The following CNOT2 variants were observed in gnomAD, a reference collection of about 807,000 sequenced individuals.
CNOT2 encodes CCR4-NOT transcription complex subunit 2, also known as CC chemokine receptor 4-negative regulator of transcription 2.
Under a neutral mutation model 72.1 loss-of-function variants are expected in CNOT2, and 7 were observed. That is an observed-to-expected ratio of 0.10 (90% CI 0.06 to 0.18). The LOEUF (loss-of-function observed/expected upper bound fraction) is 0.18. Among genes scored for constraint, CNOT2 ranks in the 10% least tolerant of loss-of-function variants. The pLI is 1.00. For missense variants in CNOT2, 345 were observed against 660.3 expected (o/e 0.52, Z 5.23); for synonymous variants, 196 against 225.6 (o/e 0.87, Z 1.17).
At chr12:70,346,884 C>T (rs747319593) in intron 15 of CNOT2, among the ~76,000 whole-genome samples, 1 of 151,184 alleles carries the variant, frequency 6.6e-6, no homozygotes, top group Non-Finnish European at 1.5e-5. Context: ...CTCACTTAAA[C>T]GCCTTTCTAA....
chr12:70,279,705 A>G lies in CNOT2; in HGVS notation c.48+1431A>G, dbSNP rs182465248. On this transcript the variant is annotated intron_variant, in intron 2 of 15. Transcript: ENST00000229195. ...ATGGCTTTTCAGTGCTCATAATCCA[A>G]TTTGTAAAGTGTGAATGTAGAATTT... Among the ~76,000 whole-genome samples the G allele has an allele frequency of 1.5e-3, 221 of 152,324 alleles. 1 individual carries two copies. The highest frequency in any genetic ancestry group is 5.1e-3 in the African/African-American group (210 of 41,578).
intron 2 of CNOT2, among the ~76,000 whole-genome samples, chr12:70,288,349 A>G (rs1871281256): frequency 6.6e-6 from 1 of 151,684 alleles, no homozygotes; most frequent in Non-Finnish European, 1.5e-5. Flanking sequence ...GTTTCACCAC[A>G]TTGGCCAGGC....
Position 70,354,012 on chromosome 12 carries a change from C to G in CNOT2, c.*97C>G. On this transcript the variant is annotated 3_prime_UTR_variant, in exon 16 of 16. Coordinates refer to ENST00000229195, the MANE Select transcript of CNOT2 (RefSeq NM_014515.7). ...AACTGCAGAACTGATGTGGCTCAGG[C>G]ACCCTGGTTTTAATTCCTTGAGGAT... 6.8e-7 allele frequency: 1 copy of G among 1,478,812 alleles called. No homozygotes were observed. The highest frequency in any genetic ancestry group is 9.0e-7 in the Non-Finnish European group (1 of 1,116,962). 91.6% of individuals were successfully genotyped at this position (1,478,812 alleles called of 1,614,324 possible). A position where few individuals can be genotyped will look rare whatever the true frequency, so the allele number is the denominator to read the frequency against.
chr12:70,262,312 C>T (rs1297834706), intron 1 of CNOT2, among the ~76,000 whole-genome samples: 10 of 152,116 alleles, frequency 6.6e-5, no homozygotes, highest in South Asian at 2.1e-4. Context: ...CTCGCTCTGT[C>T]GCCCAGGCTG....
At chr12:70,352,566 G>A (rs1051612616) in intron 15 of CNOT2, among the ~76,000 whole-genome samples, 2 of 152,074 alleles carry the variant, frequency 1.3e-5, no homozygotes, top group Non-Finnish European at 2.9e-5. Flanking sequence ...AGACAGATAA[G>A]GTAAAATATG....
intron 1 of CNOT2, among the ~76,000 whole-genome samples, chr12:70,264,701 C>T (rs1194648139): frequency 6.6e-6 from 1 of 152,028 alleles, no homozygotes; most frequent in African/African-American, 2.4e-5. Flanking sequence ...GGAAACTAGG[C>T]AGGGAGAGAG....
At chr12:70,311,041 T>A in intron 3 of CNOT2, 24 bp downstream of exon 3, 3 of 1,557,934 alleles carry the variant, frequency 1.9e-6, no homozygotes, top group Non-Finnish European at 2.6e-6. Flanking sequence ...TTATGTTGTA[T>A]TTTTTCAGCA....
At chr12:70,286,070 G>T (rs1371835504) in intron 2 of CNOT2, among the ~76,000 whole-genome samples, 1 of 151,702 alleles carries the variant, frequency 6.6e-6, no homozygotes, top group East Asian at 1.9e-4. Flanking sequence ...AAATGGGAGA[G>T]GGGAGCAGAA....
chr12:70,344,366 AT>A (rs1325296361), intron 14 of CNOT2, 138 bp downstream of exon 14: 1 of 593,166 alleles, frequency 1.7e-6, no homozygotes, highest in East Asian at 2.9e-5. Flanking sequence ...ATTAAAGTGA[AT>A]TTAATTTAGA....
At chr12:70,319,225 C>A in intron 3 of CNOT2, 73 bp from the exon 4 acceptor site, 1 of 1,212,940 alleles carries the variant, frequency 8.2e-7, no homozygotes, top group South Asian at 1.5e-5. Context: ...GTATGATTTA[C>A]AGATTTGTGG....
chr12:70,348,635 A>C (rs1234908705), intron 15 of CNOT2, among the ~76,000 whole-genome samples: 2 of 152,152 alleles, frequency 1.3e-5, no homozygotes, highest in Non-Finnish European at 2.9e-5. Flanking sequence ...CAGCTACATA[A>C]TTTTAGTTAA....
intron 7 of CNOT2, among the ~76,000 whole-genome samples, chr12:70,333,651 A>AC (rs1242290971): frequency 6.6e-6 from 1 of 151,966 alleles, no homozygotes; most frequent in African/African-American, 2.4e-5. Flanking sequence ...AGAAGATTTA[A>AC]TAAGGAAATG....
chr12:70,297,007 A>C (rs1872925156), intron 2 of CNOT2, among the ~76,000 whole-genome samples: 1 of 152,196 alleles, frequency 6.6e-6, no homozygotes, highest in Non-Finnish European at 1.5e-5. Context: ...GGGCAATTAT[A>C]AAAACGCTAG....
intron 1 of CNOT2, among the ~76,000 whole-genome samples, chr12:70,248,178 C>G (rs1479792849): frequency 6.6e-6 from 1 of 152,132 alleles, no homozygotes; most frequent in Non-Finnish European, 1.5e-5. Flanking sequence ...TACCCATGAG[C>G]TCATATTAGA....
chr12:70,327,949 C>T (rs1879345992), intron 4 of CNOT2, among the ~76,000 whole-genome samples: 1 of 151,746 alleles, frequency 6.6e-6, no homozygotes, highest in Non-Finnish European at 1.5e-5. Flanking sequence ...CCTTATTCTT[C>T]CTTATTTTGT....
At chr12:70,289,081 C>G (rs1353622859) in intron 2 of CNOT2, among the ~76,000 whole-genome samples, 1 of 149,812 alleles carries the variant, frequency 6.7e-6, no homozygotes, top group Non-Finnish European at 1.5e-5. Context: ...TTTCTTTCTT[C>G]CCTTCTTTCT....
intron 1 of CNOT2, among the ~76,000 whole-genome samples, chr12:70,275,259 A>G (rs1289865655): frequency 1.3e-5 from 2 of 151,608 alleles, no homozygotes; most frequent in African/African-American, 4.8e-5. Context: ...TACTCTATGT[A>G]TTTTTTTCCC....
chr12:70,274,469 A>G (rs1045754652), intron 1 of CNOT2, among the ~76,000 whole-genome samples: 11 of 152,068 alleles, frequency 7.2e-5, no homozygotes, highest in African/African-American at 2.2e-4. Flanking sequence ...CAGCTGTCTT[A>G]ACCTAACCAA....
chr12:70,243,741 G>C (rs983105879), intron 1 of CNOT2: 1 of 152,066 alleles, frequency 6.6e-6, no homozygotes, highest in Non-Finnish European at 1.5e-5. Context: ...TGGACCGGAC[G>C]TAAAGCGTCG....
Sources: gnomAD v4.1 joint callset for allele counts (sites outside exome capture counted in the v4.1 genomes callset) on GRCh38, gnomAD v4.1.1 for gene constraint, MANE v1.5 for transcripts, NCBI Gene and HGNC (gene_info 2026-07-23, HGNC 2026-07-21) for gene names.